The following CREBRF variants were observed in gnomAD, a reference collection of about 807,000 sequenced individuals.
CREBRF encodes the protein UPF0474 protein C5orf41.
In CREBRF, 5 loss-of-function variants were observed where a neutral mutation model predicts 66.1. The observed-to-expected ratio is 0.08, with a 90% CI of 0.04 to 0.16. CREBRF has a LOEUF of 0.16. CREBRF is among the 10% of genes least tolerant of loss of function. The probability of loss-of-function intolerance (pLI) is 1.00; values close to 1 mark genes in which losing one functional copy is unlikely to be tolerated. For missense variants in CREBRF, 531 were observed against 744.9 expected, an observed-to-expected ratio of 0.71 and a Z score of 3.34; for synonymous variants, 229 against 264.4, an observed-to-expected ratio of 0.87 and a Z score of 1.30.
chr5:173,129,679 C>G (rs147555594), intron 8 of CREBRF, among the ~76,000 whole-genome samples: 1 of 141,356 alleles, frequency 7.1e-6, no homozygotes, highest in African/African-American at 2.7e-5. Flanking sequence ...GAGCCAAGAT[C>G]GTGCCATTGT....
At chr5:173,100,632 C>T (rs1581687488) in intron 4 of CREBRF, among the ~76,000 whole-genome samples, 2 of 152,218 alleles carry the variant, frequency 1.3e-5, no homozygotes, top group East Asian at 3.9e-4. Flanking sequence ...CCATGTTGGC[C>T]CGGCTAGTCT....
intron 2 of CREBRF, among the ~76,000 whole-genome samples, chr5:173,084,973 G>A (rs1218259856): frequency 6.7e-6 from 1 of 148,830 alleles, no homozygotes; most frequent in Non-Finnish European, 1.5e-5. Flanking sequence ...ATGGAGTTTC[G>A]CTCTTGTTGC....
In CREBRF at chr5:173,091,106, G is replaced by A. The variant is rs1758320505; in HGVS notation, c.927G>A (p.Gly309=). ...GTCCCCTGCCCCAGGAAGGTCCTGG[G>A]TCACTTGCAGCAGGAGAGAGCAGCA... ...LLSPLPQEGP[G]SLAAGESSSL... The change falls in exon 4 of 9, where the codon GGG becomes GGA. Residue 309 remains glycine (G), a synonymous_variant. Coordinates refer to ENST00000296953, the MANE Select transcript of CREBRF (RefSeq NM_153607.3). 1 of 1,614,090 alleles carries A rather than the reference G, an allele frequency of 6.2e-7. No individual in the cohort carries two copies. Among genetic ancestry groups the A allele is most frequent in the Non-Finnish European group, 8.5e-7 (1 of 1,180,052 alleles).
At chr5:173,117,640 T>C (rs1349669071) in intron 7 of CREBRF, among the ~76,000 whole-genome samples, 1 of 66,492 alleles carries the variant, frequency 1.5e-5, no homozygotes, top group South Asian at 5.5e-4. Flanking sequence ...CCTCCCTCCT[T>C]CTCTCCTCTC....
chr5:173,057,257 T>G (rs1439496555), intron 1 of CREBRF: 2 of 152,124 alleles, frequency 1.3e-5, no homozygotes, highest in African/African-American at 2.4e-5. Context: ...GGGCCACTAA[T>G]TGGTTAGGCT....
At chr5:173,104,738 A>AGT (rs1233867497) in intron 4 of CREBRF, among the ~76,000 whole-genome samples, 88 of 150,150 alleles carry the variant, frequency 5.9e-4, no homozygotes, top group South Asian at 1.7e-3. Context: ...AGAGAGAGAG[A>AGT]GAGTGTGTGT....
rs151217653 is a variant in CREBRF at position 173,077,601 on chromosome 5, C to G, written c.-191-2984C>G. Among the ~76,000 whole-genome samples the G allele has an allele frequency of 3.5e-3, 528 of 152,200 alleles. 2 individuals are homozygous for G. The highest frequency in any genetic ancestry group is 0.012 in the African/African-American group (490 of 41,508). ...AGAGACAGGGTTTCACCATGTTGGC[C>G]AGGCTGGTCTTGAATTCCTGACCTC... On this transcript the variant is annotated intron_variant, in intron 1 of 8. Transcript: ENST00000296953.
chr5:173,132,660 C>T (rs1759499843), intron 8 of CREBRF, among the ~76,000 whole-genome samples: 1 of 139,410 alleles, frequency 7.2e-6, no homozygotes, highest in Admixed American at 7.5e-5. Context: ...GGTGCAGTGG[C>T]ATGATCTTGG....
At chr5:173,107,903 C>T (rs1581032351) in intron 4 of CREBRF, among the ~76,000 whole-genome samples, 1 of 149,822 alleles carries the variant, frequency 6.7e-6, no homozygotes, top group East Asian at 2.0e-4. Flanking sequence ...ACAATCTCGG[C>T]TCACTGCAAC....
At chr5:173,120,030 T>C (rs1759101447) in intron 7 of CREBRF, among the ~76,000 whole-genome samples, 1 of 152,186 alleles carries the variant, frequency 6.6e-6, no homozygotes, top group African/African-American at 2.4e-5. Context: ...TATTATTCTA[T>C]TCTAATATTA....
At chr5:173,112,434 C>G (rs1758893099) in intron 7 of CREBRF, 55 bp downstream of exon 7, 3 of 1,210,598 alleles carry the variant, frequency 2.5e-6, no homozygotes, top group Admixed American at 4.2e-5. Flanking sequence ...GCTGACCACT[C>G]TCTCTTTTCT....
chr5:173,088,329 G>A (rs1442520582), intron 3 of CREBRF, among the ~76,000 whole-genome samples: 3 of 117,742 alleles, frequency 2.5e-5, no homozygotes, highest in African/African-American at 1.0e-4. Context: ...GTGCAATGGC[G>A]CAATCTAAAA....
chr5:173,081,491 G>A (rs1025951954), intron 2 of CREBRF, among the ~76,000 whole-genome samples: 7 of 152,146 alleles, frequency 4.6e-5, no homozygotes, highest in African/African-American at 1.7e-4. Context: ...AGTGGGCAGG[G>A]ACTCTTGGGT....
At chr5:173,116,458 A>T (rs1425924639) in intron 7 of CREBRF, among the ~76,000 whole-genome samples, 2 of 152,172 alleles carry the variant, frequency 1.3e-5, no homozygotes, top group African/African-American at 4.8e-5. Context: ...TTTTTCTAAG[A>T]TCTTACATTG....
chr5:173,131,485 CTTATT>C (rs1392203271), intron 8 of CREBRF, among the ~76,000 whole-genome samples: 1 of 152,102 alleles, frequency 6.6e-6, no homozygotes, highest in East Asian at 1.9e-4. Flanking sequence ...GTCTCCCCAT[CTTATT>C]TTATTTTTAT....
chr5:173,106,013 C>A (rs1438004738), intron 4 of CREBRF, among the ~76,000 whole-genome samples: 1 of 152,190 alleles, frequency 6.6e-6, no homozygotes, highest in Non-Finnish European at 1.5e-5. Context: ...TAAATCCTAT[C>A]ATTTGAAAAG....
chr5:173,103,678 C>T (rs1758681761), intron 4 of CREBRF, among the ~76,000 whole-genome samples: 1 of 152,198 alleles, frequency 6.6e-6, no homozygotes, highest in South Asian at 2.1e-4. Context: ...TCTGGATTGG[C>T]TCCCAAATTT....
At chr5:173,058,584 C>T (rs771341032) in intron 1 of CREBRF, among the ~76,000 whole-genome samples, 23 of 147,812 alleles carry the variant, frequency 1.6e-4, no homozygotes, top group Admixed American at 2.0e-4. Context: ...CCCGGGTTCA[C>T]GCCATTCTCC....
intron 4 of CREBRF, among the ~76,000 whole-genome samples, chr5:173,095,811 G>GTT (rs77216778): frequency 2.8e-5 from 4 of 142,400 alleles, no homozygotes; most frequent in Admixed American, 7.0e-5. Context: ...TTTTTTCTAA[G>GTT]TTTTTTTTTT....
Sources: allele counts gnomAD v4.1 joint callset (sites outside exome capture counted in the v4.1 genomes callset), GRCh38; gene constraint gnomAD v4.1.1; transcripts MANE v1.5; gene names NCBI Gene and HGNC (gene_info 2026-07-23, HGNC 2026-07-21).